The following ST3GAL3 variants were observed in gnomAD, a reference collection of about 807,000 sequenced individuals.
ST3GAL3 encodes CMP-N-acetylneuraminate-beta-1,4-galactoside alpha-2,3-sialyltransferase.
A neutral mutation model predicts 50.1 loss-of-function variants in ST3GAL3; 21 were observed. The ratio of observed to expected loss-of-function variants is 0.42; its 90% CI spans 0.30 to 0.60. The LOEUF (loss-of-function observed/expected upper bound fraction) is 0.60. Among genes scored for constraint, ST3GAL3 ranks in the 20% least tolerant of loss-of-function variants. ST3GAL3 has a pLI of 0.19. For synonymous variants in ST3GAL3, 183 were observed against 190.0 expected, an observed-to-expected ratio of 0.96 and a Z score of 0.30; for missense variants, 353 against 489.4, an observed-to-expected ratio of 0.72 and a Z score of 2.63.
Position 43,920,917 on chromosome 1 carries a change from G to T in ST3GAL3, c.1027G>T (p.Ala343Ser), listed in dbSNP as rs752625393. The T allele has an allele frequency of 1.9e-6, 3 of 1,612,834 alleles. No homozygotes were observed. In the South Asian group the frequency reaches 3.3e-5, roughly 18 times the overall value. Residue 343 changes from alanine to serine, a missense_variant, in exon 11 of 12, where the codon GCC becomes TCC. Ala to Ser is a moderately conservative substitution (Grantham distance 99). Transcript: ENST00000347631. ...LHYYETVRMA[A>S]IKESWTHNIQ... The stretch of plus-strand genomic sequence containing the variant: ...CTACTATGAGACCGTTCGCATGGCA[G>T]CCATCAAAGAGGTTCGGGGCTGGGT...
At position 43,923,141 on chromosome 1, in the gene ST3GAL3, A is replaced by C. The variant is rs879671938; in HGVS notation, c.1038+2213A>C. 7.9e-5 allele frequency among the ~76,000 whole-genome samples: 12 copies of C among 151,748 alleles called. No homozygotes were observed. The East Asian group carries it at 2.3e-3, about 30-fold the overall frequency. On this transcript the variant is annotated intron_variant, in intron 11 of 11. Transcript: ENST00000347631. ...GTTGTCTGGGAGCGCTGGTGTGCGC[A>C]TGTAGTCCCTGCTGCTTGGGAGACT...
At chr1:43,813,397 C>T (rs1023354663) in intron 3 of ST3GAL3, among the ~76,000 whole-genome samples, 6 of 152,164 alleles carry the variant, frequency 3.9e-5, no homozygotes, top group Admixed American at 1.3e-4. Flanking sequence ...TATATTTAAG[C>T]CTTTTTTTGT....
intron 2 of ST3GAL3, 34 bp downstream of exon 2, chr1:43,736,414 A>G: frequency 6.2e-7 from 1 of 1,614,142 alleles, no homozygotes; most frequent in Non-Finnish European, 8.5e-7. Flanking sequence ...CCCCAGGAGA[A>G]GCCTGTTGCA....
At chr1:43,832,332 C>T (rs1035061987) in intron 4 of ST3GAL3, among the ~76,000 whole-genome samples, 1 of 152,200 alleles carries the variant, frequency 6.6e-6, no homozygotes, top group African/African-American at 2.4e-5. Flanking sequence ...GCCTCCGGAG[C>T]TGAGAAATAC....
intron 9 of ST3GAL3, among the ~76,000 whole-genome samples, chr1:43,917,496 ATAATATATT>A (rs2082079068): frequency 2.8e-5 from 2 of 71,392 alleles, no homozygotes; most frequent in Non-Finnish European, 5.3e-5. Context: ...TATAATATAT[ATAATATATT>A]ATATAATATA....
intron 5 of ST3GAL3, among the ~76,000 whole-genome samples, chr1:43,878,809 T>C (rs1241618872): frequency 6.6e-6 from 1 of 152,214 alleles, no homozygotes; most frequent in Non-Finnish European, 1.5e-5. Context: ...GTTTTGAATA[T>C]TTGGTGGAAG....
At chr1:43,851,545 G>C in intron 5 of ST3GAL3, 6 of 1,589,458 alleles carry the variant, frequency 3.8e-6, no homozygotes, top group Middle Eastern at 1.7e-4. Context: ...CAAGAGCCTA[G>C]GGCCTCCAAA....
chr1:43,769,363 C>T (rs543925264), intron 2 of ST3GAL3, among the ~76,000 whole-genome samples: 1 of 152,236 alleles, frequency 6.6e-6, no homozygotes, highest in African/African-American at 2.4e-5. Context: ...CATTCCCAAA[C>T]CACTTTTTTT....
At chr1:43,721,318 T>TAA (rs1313527899) in intron 1 of ST3GAL3, among the ~76,000 whole-genome samples, 1 of 124,570 alleles carries the variant, frequency 8.0e-6, no homozygotes, top group Admixed American at 7.7e-5. Context: ...TTTTTTTTTT[T>TAA]AATGAGACGG....
intron 3 of ST3GAL3, among the ~76,000 whole-genome samples, chr1:43,810,099 C>A (rs1194463055): frequency 1.3e-5 from 2 of 151,752 alleles, no homozygotes; most frequent in African/African-American, 4.8e-5. Context: ...GGACTTCAAG[C>A]AGCCCTAATA....
intron 3 of ST3GAL3, chr1:43,801,507 T>C: frequency 2.6e-6 from 1 of 389,602 alleles, no homozygotes; most frequent in Non-Finnish European, 5.2e-6. Flanking sequence ...AGGATGTGAC[T>C]GCACAGCCTG....
At chr1:43,920,614 GGGTGGGT>G in intron 10 of ST3GAL3, 64 bp downstream of exon 10, 1 of 1,607,898 alleles carries the variant, frequency 6.2e-7, no homozygotes. Flanking sequence ...TTGGAAGGAA[GGGTGGGT>G]GGTGGGTGGG....
chr1:43,864,853 T>C (rs372014548), intron 5 of ST3GAL3, among the ~76,000 whole-genome samples: 6 of 152,122 alleles, frequency 3.9e-5, no homozygotes, highest in African/African-American at 1.4e-4. Flanking sequence ...TTTCCTAACA[T>C]AGGAAACACA....
chr1:43,726,680 C>T (rs962669891), intron 1 of ST3GAL3, among the ~76,000 whole-genome samples: 1 of 152,160 alleles, frequency 6.6e-6, no homozygotes, highest in Non-Finnish European at 1.5e-5. Flanking sequence ...CTGCAGCCTC[C>T]GCCTGCCGAG....
At chr1:43,922,987 G>T (rs1447879874) in intron 11 of ST3GAL3, among the ~76,000 whole-genome samples, 2 of 150,662 alleles carry the variant, frequency 1.3e-5, no homozygotes, top group African/African-American at 2.4e-5. Context: ...TGTAGTCCCA[G>T]CTGAGGAAGG....
chr1:43,891,700 G>C (rs889539913), intron 5 of ST3GAL3, among the ~76,000 whole-genome samples: 10 of 152,136 alleles, frequency 6.6e-5, no homozygotes, highest in Non-Finnish European at 1.3e-4. Flanking sequence ...ATCATTCTTT[G>C]GGGGCTGTTA....
At chr1:43,921,064 G>T in intron 11 of ST3GAL3, 136 bp downstream of exon 11, 1 of 1,054,706 alleles carries the variant, frequency 9.5e-7, no homozygotes, top group Non-Finnish European at 1.4e-6. Context: ...AGCATCCTAC[G>T]TGCCCTCTCC....
intron 1 of ST3GAL3, among the ~76,000 whole-genome samples, chr1:43,728,755 T>C (rs1333329004): frequency 6.6e-6 from 1 of 152,174 alleles, no homozygotes; most frequent in Non-Finnish European, 1.5e-5. Flanking sequence ...AAAAAAATTA[T>C]ATGTGTGTAT....
At position 43,764,891 on chromosome 1, in the gene ST3GAL3, A is replaced by G. The variant is rs1465581446; in HGVS notation, c.119-27211A>G. 2.0e-5 allele frequency among the ~76,000 whole-genome samples: 3 copies of G among 152,366 alleles called. No individual in the cohort carries two copies. The South Asian group carries it at 6.2e-4, about 32-fold the overall frequency. ...GCCCTTTAGTTACTGAGTGGCCTCT[A>G]CAGCTTCCACCATAGTGCCCAAAGG... On this transcript the variant is annotated intron_variant, in intron 2 of 11. Coordinates refer to ENST00000347631, the MANE Select transcript of ST3GAL3 (RefSeq NM_006279.5).
Sources: allele counts gnomAD v4.1 joint callset (sites outside exome capture counted in the v4.1 genomes callset), GRCh38; gene constraint gnomAD v4.1.1; transcripts MANE v1.5; gene names NCBI Gene and HGNC (gene_info 2026-07-23, HGNC 2026-07-21).